Variants in EIF4A2 observed in about 807,000 individuals in gnomAD.
EIF4A2 encodes eukaryotic initiation factor 4A-II.
In EIF4A2, 9 loss-of-function variants were observed where a neutral mutation model predicts 50.6. The ratio of observed to expected loss-of-function variants is 0.18; its 90% CI spans 0.11 to 0.31. The LOEUF is 0.31. EIF4A2 is among the 10% of genes least tolerant of loss of function. The pLI is 1.00. For missense variants in EIF4A2, 182 were observed against 501.8 expected, an observed-to-expected ratio of 0.36 and a Z score of 6.09; for synonymous variants, 215 against 164.4, an observed-to-expected ratio of 1.31 and a Z score of -2.35.
chr3:186,786,109 C>A, intron 5 of EIF4A2, 55 bp from the exon 6 acceptor site: 8 of 1,599,974 alleles, frequency 5.0e-6, no homozygotes, highest in South Asian at 2.2e-5. Context: ...GTTGAAAAGT[C>A]AAATTGTATC....
chr3:186,789,017 T>C lies in EIF4A2; in HGVS notation c.1080-108T>C, dbSNP rs549907426. ...TAGTGCTCCAGTTAGAAGCACGAAC[T>C]ATAACCTTGATAAGTAAACAGCAGC... is the stretch of plus-strand genomic sequence containing the variant. On this transcript the variant is annotated intron_variant, in intron 10 of 10. Transcript: ENST00000323963. 14 of 1,466,808 alleles carry C rather than the reference T, an allele frequency of 9.5e-6. No individual in the cohort carries two copies. In the African/African-American group the frequency reaches 2.0e-4, roughly 21 times the overall value. 90.9% of individuals were successfully genotyped at this position (1,466,808 alleles called of 1,614,324 possible). A position where few individuals can be genotyped will look rare whatever the true frequency, so the allele number is the denominator to read the frequency against.
At position 186,786,642 on chromosome 3, in the gene EIF4A2, A is replaced by G; in HGVS notation, c.768A>G (p.Arg256=). 6.2e-7 allele frequency: 1 copy of G among 1,613,984 alleles called. No homozygotes were observed. Among genetic ancestry groups the G allele is most frequent in the Non-Finnish European group, 8.5e-7 (1 of 1,179,906 alleles). The change falls in exon 7 of 11, where the codon AGA becomes AGG. Residue 256 remains arginine (R), a synonymous_variant. Transcript: ENST00000323963. ...AACAGTTTTATATTAATGTTGAGAGAGAGGTAACTGTCTGATTGTTAGACA... is the reference window on the plus strand; with the variant it reads ...AACAGTTTTATATTAATGTTGAGAGGGAGGTAACTGTCTGATTGTTAGACA... The part of the protein sequence containing the change: ...GIKQFYINVE[R]EEWKLDTLCD...
chr3:186,789,322 C>T lies in EIF4A2; in HGVS notation c.*53C>T. On this transcript the variant is annotated 3_prime_UTR_variant, in exon 11 of 11. Coordinates refer to ENST00000323963, the MANE Select transcript of EIF4A2 (RefSeq NM_001967.4). ...TGCTCGCTGTTGCTGAATAGGCGAT[C>T]ACAACGTGCATTGTGCTTCTTTCTT... is the stretch of plus-strand genomic sequence containing the variant. 6.4e-7 allele frequency: 1 copy of T among 1,563,762 alleles called. No individual in the cohort carries two copies. The highest frequency in any genetic ancestry group is 8.7e-7 in the Non-Finnish European group (1 of 1,154,004).
chr3:186,785,153 G>A, intron 4 of EIF4A2, 52 bp downstream of exon 4: 4 of 1,603,206 alleles, frequency 2.5e-6, no homozygotes, highest in Non-Finnish European at 3.4e-6. Flanking sequence ...TAGGTTTCAG[G>A]TTTCACAACT....
Position 186,784,590 on chromosome 3 carries a change from C to T in EIF4A2, c.102C>T (p.Asn34=), listed in dbSNP as rs375951775. Reference sequence around the variant, plus strand: ...GCAACTGGAATGAGATTGTTGATAACTTTGATGATATGAATTTAAAGGAGT... The same window carrying T: ...GCAACTGGAATGAGATTGTTGATAATTTTGATGATATGAATTTAAAGGAGT... ...IESNWNEIVD[N]FDDMNLKESL... is the part of the protein sequence containing the mutation. The change falls in exon 3 of 11, where the codon AAC becomes AAT. Residue 34 remains asparagine (N), a synonymous_variant. Coordinates refer to ENST00000323963, the MANE Select transcript of EIF4A2 (RefSeq NM_001967.4). The T allele has an allele frequency of 1.3e-4, 214 of 1,614,194 alleles. No homozygotes were observed. The highest frequency in any genetic ancestry group is 1.7e-4 in the Non-Finnish European group (200 of 1,180,028).
rs558903817 is a variant in EIF4A2, at chr3:186,784,332, G to C, written c.30-100G>C. 9.0e-6 allele frequency: 14 copies of C among 1,549,060 alleles called. No homozygotes were observed. In the South Asian group the frequency reaches 1.5e-4, roughly 16 times the overall value. ...AGGCTGCTGCTTTAGCTTGTGCAGG[G>C]GAGGCTAACGTGCTGAGACGGGTTG... is the stretch of plus-strand genomic sequence containing the variant. On this transcript the variant is annotated intron_variant, in intron 1 of 10. Coordinates refer to ENST00000323963, the MANE Select transcript of EIF4A2 (RefSeq NM_001967.4).
At chr3:186,787,915 A>C in intron 10 of EIF4A2, 33 bp downstream of exon 10, 1 of 1,606,840 alleles carries the variant, frequency 6.2e-7, no homozygotes, top group South Asian at 1.1e-5. Flanking sequence ...GTATTGAAAA[A>C]AATTCATACG....
At chr3:186,784,878 T>C (rs1185270140) in intron 3 of EIF4A2, 84 bp from the exon 4 acceptor site, 1 of 1,607,978 alleles carries the variant, frequency 6.2e-7, no homozygotes, top group Non-Finnish European at 8.5e-7. Context: ...TATTTGGGCA[T>C]AATGTTCCAA....
chr3:186,788,813 T>G (rs879652734), intron 10 of EIF4A2: 1 of 293,920 alleles, frequency 3.4e-6, no homozygotes, highest in Non-Finnish European at 6.4e-6. Flanking sequence ...CACCTGCTCT[T>G]GGCTGGCCCA....
rs148354660 is a variant in EIF4A2, at chr3:186,784,629, C to T, written c.141C>T (p.Gly47=). Residue 47 remains glycine, a synonymous_variant, in exon 3 of 11, where the codon GGC becomes GGT. Coordinates refer to ENST00000323963, the MANE Select transcript of EIF4A2 (RefSeq NM_001967.4). ...DMNLKESLLR[G]IYAYGFEKPS... is the part of the protein sequence containing the mutation. ...ATTTAAAGGAGTCTCTCCTTCGTGG[C>T]ATCTATGCTTACGGTTTTGAGAAGC... 8.1e-6 allele frequency: 13 copies of T among 1,614,094 alleles called. 1 individual carries two copies. The African/African-American group carries it at 9.3e-5, about 12-fold the overall frequency.
intron 10 of EIF4A2, chr3:186,788,473 C>A: frequency 8.3e-7 from 1 of 1,206,374 alleles, no homozygotes; most frequent in Non-Finnish European, 1.1e-6. Flanking sequence ...TAAGTTGCTC[C>A]AGCTAAGGCA....
chr3:186,786,067 A>C lies in EIF4A2; in HGVS notation c.517+16A>C. On this transcript the variant is annotated intron_variant, in intron 5 of 10. Transcript: ENST00000323963. ...AGATACCTTTGTAAGTATTGTCTTT[A>C]AGAGAGTATTTTTTTTAAAACTGTT... 1 of 1,601,320 alleles carries C rather than the reference A, an allele frequency of 6.2e-7. No homozygotes were observed. The highest frequency in any genetic ancestry group is 1.7e-5 in the Admixed American group (1 of 59,634).
At chr3:186,787,728 C>T (rs1386567287) in intron 9 of EIF4A2, 75 bp from the exon 10 acceptor site, 3 of 1,597,924 alleles carry the variant, frequency 1.9e-6, no homozygotes, top group Non-Finnish European at 2.6e-6. Context: ...GTATAGTTCG[C>T]TACTATTTTG....
chr3:186,788,083 A>G, intron 10 of EIF4A2: 1 of 719,960 alleles, frequency 1.4e-6, no homozygotes, highest in South Asian at 1.9e-5. Context: ...GATTGTGGAC[A>G]TAGGGTTTTT....
intron 10 of EIF4A2, 47 bp downstream of exon 10, chr3:186,787,929 T>C: frequency 6.3e-7 from 1 of 1,586,928 alleles, no homozygotes; most frequent in Non-Finnish European, 8.6e-7. Flanking sequence ...TCATACGTTT[T>C]TCTACTGTGA....
At chr3:186,784,382 A>G (rs1456683022) in intron 1 of EIF4A2, 50 bp from the exon 2 acceptor site, 2 of 1,613,808 alleles carry the variant, frequency 1.2e-6, no homozygotes, top group African/African-American at 1.3e-5. Flanking sequence ...CTTAAGGTGC[A>G]GTTGAGGTGG....
Position 186,789,113 on chromosome 3 carries a change from T to A in EIF4A2, c.1080-12T>A. ...TGTGAGAAGTAACGTTCTGATTCTT[T>A]TTCTTACACAGAATTGGCAGAGGGG... On this transcript the variant is annotated splice_polypyrimidine_tract_variant and intron_variant, in intron 10 of 10. Coordinates refer to ENST00000323963, the MANE Select transcript of EIF4A2 (RefSeq NM_001967.4). 1 of 1,611,380 alleles carries A rather than the reference T, an allele frequency of 6.2e-7. No individual in the cohort carries two copies. Among genetic ancestry groups the A allele is most frequent in the South Asian group, 1.1e-5 (1 of 90,768 alleles).
chr3:186,788,197 T>C lies in EIF4A2; in HGVS notation c.1079+315T>C, dbSNP rs1721875613. ...TTCTATAGTTGGGATTTTCTTGGTG[T>C]CGCCTGGTAGCAATTTGAGTGAACC... On this transcript the variant is annotated intron_variant, in intron 10 of 10. Coordinates refer to ENST00000323963, the MANE Select transcript of EIF4A2 (RefSeq NM_001967.4). The C allele has an allele frequency of 3.3e-6, 3 of 914,910 alleles. No individual in the cohort carries two copies. In the South Asian group the frequency reaches 4.6e-5, roughly 14 times the overall value. The allele number at this position is 914,910 out of a possible 1,614,324, so 56.7% of individuals were successfully genotyped here.
chr3:186,787,514 A>C lies in EIF4A2; in HGVS notation c.929A>C (p.Lys310Thr). The change falls in exon 9 of 11, where the codon AAG (lysine) becomes ACG (threonine). Residue 310 changes from lysine (K) to threonine (T), a missense_variant. Around this residue, in one of 7 missense-constraint regions of EIF4A2, gnomAD observed 113 missense variants for 357.3 expected, o/e 0.32. Coordinates refer to ENST00000323963, the MANE Select transcript of EIF4A2 (RefSeq NM_001967.4). ...TTGCAGCATGGTGACATGGACCAGA[A>C]GGAGAGAGATGTTATCATGAGGGAA... ...VSALHGDMDQ[K>T]ERDVIMREFR... is the part of the protein sequence containing the mutation. 1 of 1,613,378 alleles carries C rather than the reference A, an allele frequency of 6.2e-7. No homozygotes were observed. Among genetic ancestry groups the C allele is most frequent in the Non-Finnish European group, 8.5e-7 (1 of 1,179,476 alleles).
Sources: allele counts gnomAD v4.1 joint callset, GRCh38; gene constraint gnomAD v4.1.1; regional missense constraint gnomAD v4.1.1; transcripts MANE v1.5; gene names NCBI Gene and HGNC (gene_info 2026-07-23, HGNC 2026-07-21).